The following TRPM3 variants were observed in gnomAD, a reference collection of about 807,000 sequenced individuals.
TRPM3 encodes transient receptor potential cation channel subfamily M member 3.
TRPM3 carries 77 observed loss-of-function variants against 181.2 expected under a neutral mutation model. That is an observed-to-expected ratio of 0.42 (90% confidence interval 0.35 to 0.51). The LOEUF (loss-of-function observed/expected upper bound fraction) is 0.51. Among genes scored for constraint, TRPM3 ranks in the 20% least tolerant of loss-of-function variants. TRPM3 has a pLI of 0.01. For missense variants in TRPM3, 1,759 were observed against 2,196.7 expected, an observed-to-expected ratio of 0.80 and a Z score of 3.98; for synonymous variants, 745 against 796.4, an observed-to-expected ratio of 0.94 and a Z score of 1.09.
At chr9:71,045,629 A>C (rs1450576331) in intron 1 of TRPM3, among the ~76,000 whole-genome samples, 4 of 152,232 alleles carry the variant, frequency 2.6e-5, no homozygotes, top group Non-Finnish European at 5.9e-5. Flanking sequence ...GAGGCATAAA[A>C]AATGCAGACA....
chr9:71,280,599 A>G (rs2084634888), intron 1 of TRPM3, among the ~76,000 whole-genome samples: 1 of 152,226 alleles, frequency 6.6e-6, no homozygotes, highest in South Asian at 2.1e-4. Flanking sequence ...ATGGAGTCAA[A>G]TAAGATTTTA....
intron 1 of TRPM3, among the ~76,000 whole-genome samples, chr9:71,322,069 G>A (rs1205592316): frequency 2.0e-5 from 3 of 152,088 alleles, no homozygotes; most frequent in African/African-American, 7.2e-5. Flanking sequence ...TATGAGTTAG[G>A]ACAGAACTTT....
chr9:70,958,265 A>T (rs1005667430), intron 1 of TRPM3, among the ~76,000 whole-genome samples: 3 of 152,184 alleles, frequency 2.0e-5, no homozygotes, highest in African/African-American at 7.2e-5. Flanking sequence ...ACATGGGCAT[A>T]TCAACATAAA....
intron 1 of TRPM3, among the ~76,000 whole-genome samples, chr9:71,231,686 A>G (rs1033197225): frequency 9.2e-4 from 140 of 152,298 alleles, no homozygotes; most frequent in African/African-American, 3.2e-3. Flanking sequence ...GCAACAGAAA[A>G]CTAAATACTG....
chr9:71,230,045 T>G (rs111303873), intron 1 of TRPM3, among the ~76,000 whole-genome samples: 1 of 152,148 alleles, frequency 6.6e-6, no homozygotes, highest in African/African-American at 2.4e-5. Flanking sequence ...AACAGGTGAA[T>G]GCATAAAGAA....
intron 1 of TRPM3, among the ~76,000 whole-genome samples, chr9:70,956,234 C>G (rs563008588): frequency 6.9e-6 from 1 of 144,288 alleles, no homozygotes; most frequent in Non-Finnish European, 1.5e-5. Context: ...TTCTTAGGAT[C>G]AATCTTTCTT....
At chr9:70,884,928 AC>A (rs891034572) in intron 1 of TRPM3, among the ~76,000 whole-genome samples, 3 of 152,144 alleles carry the variant, frequency 2.0e-5, no homozygotes, top group African/African-American at 4.8e-5. Flanking sequence ...CAGATTCTCA[AC>A]TTGTTTATAA....
At chr9:70,818,281 C>T (rs1320153626) in intron 6 of TRPM3, among the ~76,000 whole-genome samples, 1 of 152,148 alleles carries the variant, frequency 6.6e-6, no homozygotes, top group Non-Finnish European at 1.5e-5. Context: ...TTTATATTAG[C>T]CCCCTGGCCT....
chr9:70,950,783 C>A (rs1022559089), intron 1 of TRPM3, among the ~76,000 whole-genome samples: 7 of 152,040 alleles, frequency 4.6e-5, no homozygotes, highest in African/African-American at 1.7e-4. Flanking sequence ...CTTCTCAGAG[C>A]GCATCTACCT....
At chr9:70,556,750 ACT>A (rs2047817352) in intron 22 of TRPM3, among the ~76,000 whole-genome samples, 1 of 151,868 alleles carries the variant, frequency 6.6e-6, no homozygotes. Flanking sequence ...CAAAACCCTG[ACT>A]CTGCCATTTT....
intron 8 of TRPM3, among the ~76,000 whole-genome samples, chr9:70,738,881 G>A (rs888302237): frequency 1.3e-5 from 2 of 152,036 alleles, no homozygotes; most frequent in African/African-American, 2.4e-5. Context: ...ACGTGGAGGA[G>A]ATGGATAAAT....
intron 6 of TRPM3, among the ~76,000 whole-genome samples, chr9:70,819,492 T>C (rs1401174528): frequency 2.0e-5 from 3 of 152,200 alleles, no homozygotes; most frequent in Non-Finnish European, 2.9e-5. Flanking sequence ...AGAAAGGTAC[T>C]CTAGGTGGCT....
In TRPM3 at chr9:71,236,183, C is replaced by T. The variant is rs543705320; in HGVS notation, c.183+210470G>A. On this transcript the variant is annotated intron_variant, in intron 1 of 24. Transcript: ENST00000357533. ...TTGTCTATTGTGTGTTGTGGAAATGCCTTTTGGCTGAAATTTAGAGCTCCT... is the reference window on the plus strand; with the variant it reads ...TTGTCTATTGTGTGTTGTGGAAATGTCTTTTGGCTGAAATTTAGAGCTCCT... Among the ~76,000 whole-genome samples, 9 of 152,238 alleles carry T rather than the reference C, an allele frequency of 5.9e-5. No homozygotes were observed. The East Asian group carries it at 1.7e-3, about 29-fold the overall frequency.
At chr9:71,057,396 A>T (rs1239554020) in intron 1 of TRPM3, among the ~76,000 whole-genome samples, 1 of 152,110 alleles carries the variant, frequency 6.6e-6, no homozygotes, top group Non-Finnish European at 1.5e-5. Flanking sequence ...AGCATTAGCT[A>T]GACTGCTGTT....
At chr9:70,858,783 C>T (rs1241971166) in intron 3 of TRPM3, among the ~76,000 whole-genome samples, 2 of 151,760 alleles carry the variant, frequency 1.3e-5, no homozygotes, top group African/African-American at 4.8e-5. Context: ...GGGTCCATTG[C>T]TGTGCACTTG....
intron 1 of TRPM3, among the ~76,000 whole-genome samples, chr9:71,161,207 G>A (rs139618376): frequency 6.6e-6 from 1 of 152,044 alleles, no homozygotes; most frequent in Admixed American, 6.6e-5. Context: ...CTACTTTCAC[G>A]AACTCCAAGC....
intron 1 of TRPM3, among the ~76,000 whole-genome samples, chr9:71,056,775 T>C (rs2060715619): frequency 6.6e-6 from 1 of 152,026 alleles, no homozygotes; most frequent in Non-Finnish European, 1.5e-5. Context: ...CATCTTGATC[T>C]TGAAATTCTA....
At chr9:71,008,650 C>A (rs2097704496) in intron 1 of TRPM3, among the ~76,000 whole-genome samples, 2 of 152,172 alleles carry the variant, frequency 1.3e-5, no homozygotes, top group South Asian at 4.1e-4. Flanking sequence ...CAAGACCAAC[C>A]TGGCCAACCT....
chr9:70,821,285 C>T (rs1431095115), intron 6 of TRPM3, among the ~76,000 whole-genome samples: 1 of 152,072 alleles, frequency 6.6e-6, no homozygotes, highest in Non-Finnish European at 1.5e-5. Flanking sequence ...GGATTTCCTT[C>T]AAAATTATTC....
Sources: allele counts gnomAD v4.1 joint callset (sites outside exome capture counted in the v4.1 genomes callset), GRCh38; gene constraint gnomAD v4.1.1; transcripts MANE v1.5; gene names NCBI Gene and HGNC (gene_info 2026-07-23, HGNC 2026-07-21).